The following SYNPO2 variants were observed in gnomAD, a reference collection of about 807,000 sequenced individuals.
SYNPO2 encodes synaptopodin 2, also known as synaptopodin-2.
A neutral mutation model predicts 85.0 loss-of-function variants in SYNPO2; 56 were observed. The ratio of observed to expected loss-of-function variants is 0.66; its 90% CI spans 0.53 to 0.82. SYNPO2 has a LOEUF of 0.82. SYNPO2 is among the 40% of genes least tolerant of loss of function. The pLI is 0.00. For missense variants in SYNPO2, 1,575 were observed against 1,534.2 expected, an observed-to-expected ratio of 1.03 and a Z score of -0.44; for synonymous variants, 602 against 591.1, an observed-to-expected ratio of 1.02 and a Z score of -0.27.
intron 1 of SYNPO2, among the ~76,000 whole-genome samples, chr4:118,983,763 T>C (rs1169159822): frequency 1.1e-5 from 1 of 88,774 alleles, no homozygotes; most frequent in Admixed American, 1.1e-4. Context: ...AACTCCTCAG[T>C]AATATTTCTA....
intron 1 of SYNPO2, among the ~76,000 whole-genome samples, chr4:118,933,089 A>T (rs1733985768): frequency 6.6e-6 from 1 of 152,224 alleles, no homozygotes; most frequent in South Asian, 2.1e-4. Flanking sequence ...AATGATGAAA[A>T]AGGAAATAAG....
intron 1 of SYNPO2, among the ~76,000 whole-genome samples, chr4:118,851,811 T>C (rs537366426): frequency 6.6e-6 from 1 of 152,336 alleles, no homozygotes; most frequent in African/African-American, 2.4e-5. Context: ...TCTATTGTGA[T>C]GTACCATTTT....
chr4:119,008,448 TTC>T (rs1008134366), intron 1 of SYNPO2, among the ~76,000 whole-genome samples: 33 of 151,886 alleles, frequency 2.2e-4, no homozygotes, highest in African/African-American at 7.8e-4. Flanking sequence ...TTTTTTTTTT[TTC>T]CTTGGCAAAG....
chr4:118,853,952 T>C (rs1195949120), intron 1 of SYNPO2, among the ~76,000 whole-genome samples: 1 of 152,230 alleles, frequency 6.6e-6, no homozygotes, highest in Non-Finnish European at 1.5e-5. Context: ...GTGACTATCC[T>C]ATGGTGTAAA....
chr4:119,038,782 T>C (rs748681822), intron 4 of SYNPO2, among the ~76,000 whole-genome samples: 13 of 152,184 alleles, frequency 8.5e-5, no homozygotes, highest in Non-Finnish European at 4.4e-5. Context: ...GTCAAGTGCA[T>C]GAGGCAGCAA....
At chr4:118,977,606 T>A (rs1002931299) in intron 1 of SYNPO2, among the ~76,000 whole-genome samples, 1 of 152,198 alleles carries the variant, frequency 6.6e-6, no homozygotes, top group African/African-American at 2.4e-5. Context: ...TGCTGTCACC[T>A]CTCAACTTGA....
At chr4:118,877,815 A>T (rs1731956525) in intron 1 of SYNPO2, among the ~76,000 whole-genome samples, 1 of 152,232 alleles carries the variant, frequency 6.6e-6, no homozygotes, top group South Asian at 2.1e-4. Flanking sequence ...CAAAAAACTT[A>T]AAACAGAATT....
intron 1 of SYNPO2, among the ~76,000 whole-genome samples, chr4:118,972,121 G>A (rs925672166): frequency 6.6e-6 from 1 of 152,134 alleles, no homozygotes; most frequent in Non-Finnish European, 1.5e-5. Flanking sequence ...AAAGAGAGGA[G>A]ACAGAATAAT....
chr4:118,859,284 T>G (rs953926467), intron 1 of SYNPO2, among the ~76,000 whole-genome samples: 2 of 152,190 alleles, frequency 1.3e-5, no homozygotes, highest in African/African-American at 4.8e-5. Context: ...TTTTTAATTT[T>G]TGTGGGTACA....
chr4:118,937,379 C>T (rs1254816921), intron 1 of SYNPO2, among the ~76,000 whole-genome samples: 1 of 152,130 alleles, frequency 6.6e-6, no homozygotes, highest in African/African-American at 2.4e-5. Context: ...CAAACTCCTA[C>T]TCATCATTAA....
intron 4 of SYNPO2, among the ~76,000 whole-genome samples, chr4:119,039,102 G>A (rs570974083): frequency 1.3e-5 from 2 of 152,204 alleles, no homozygotes; most frequent in East Asian, 1.9e-4. Context: ...CACTAATAAG[G>A]TAACAATTAT....
intron 1 of SYNPO2, 103 bp downstream of exon 1, chr4:118,889,244 T>C: frequency 8.9e-7 from 1 of 1,118,924 alleles, no homozygotes; most frequent in Non-Finnish European, 1.3e-6. Context: ...CTAAGTATTA[T>C]TTGATTTTGC....
chr4:118,971,038 C>T (rs1218795891), intron 1 of SYNPO2, among the ~76,000 whole-genome samples: 1 of 152,162 alleles, frequency 6.6e-6, no homozygotes, highest in South Asian at 2.1e-4. Context: ...GCTGGGGTCA[C>T]TTTGGGACTG....
Position 118,897,696 on chromosome 4 carries a change from G to T in SYNPO2, c.105+8555G>T, listed in dbSNP as rs187271199. 3.6e-3 allele frequency among the ~76,000 whole-genome samples: 548 copies of T among 152,300 alleles called. 2 individuals are homozygous for T. The highest frequency in any genetic ancestry group is 6.2e-3 in the Non-Finnish European group (419 of 68,028). On this transcript the variant is annotated intron_variant, in intron 1 of 4. Transcript: ENST00000307142. Reference sequence around the variant, plus strand: ...CTTAGTTAAGATCCCCATTACAGGGGCACAAAGAGGTTAAGTGACTTCTCC... The same window carrying T: ...CTTAGTTAAGATCCCCATTACAGGGTCACAAAGAGGTTAAGTGACTTCTCC...
intron 1 of SYNPO2, among the ~76,000 whole-genome samples, chr4:118,994,019 A>G (rs1736499910): frequency 6.6e-6 from 1 of 152,194 alleles, no homozygotes; most frequent in African/African-American, 2.4e-5. Context: ...AGTTCCTTTT[A>G]TTACTGTTGA....
At chr4:119,013,818 G>A (rs1433708674) in intron 1 of SYNPO2, among the ~76,000 whole-genome samples, 1 of 152,162 alleles carries the variant, frequency 6.6e-6, no homozygotes, top group South Asian at 2.1e-4. Context: ...AATCACACAT[G>A]CATAAAAGAT....
intron 1 of SYNPO2, among the ~76,000 whole-genome samples, chr4:118,871,272 T>A (rs1731794730): frequency 6.6e-6 from 1 of 151,906 alleles, no homozygotes; most frequent in Admixed American, 6.6e-5. Flanking sequence ...CTTTTCTTTA[T>A]TTCTTTTTTT....
intron 1 of SYNPO2, among the ~76,000 whole-genome samples, chr4:118,951,197 G>A (rs938590675): frequency 2.0e-5 from 3 of 152,100 alleles, no homozygotes; most frequent in African/African-American, 7.2e-5. Flanking sequence ...AAAATACCAC[G>A]GTTCTGGAGG....
At chr4:118,993,335 T>C (rs1736477463) in intron 1 of SYNPO2, among the ~76,000 whole-genome samples, 2 of 152,224 alleles carry the variant, frequency 1.3e-5, no homozygotes, top group Non-Finnish European at 2.9e-5. Flanking sequence ...TTAGCCATTG[T>C]AGAGAAATAT....
Sources: allele counts gnomAD v4.1 joint callset (sites outside exome capture counted in the v4.1 genomes callset), GRCh38; gene constraint gnomAD v4.1.1; transcripts MANE v1.5; gene names NCBI Gene and HGNC (gene_info 2026-07-23, HGNC 2026-07-21).